Variants in CACNA1I observed in about 807,000 individuals in gnomAD.
The protein encoded by CACNA1I is voltage-dependent T-type calcium channel subunit alpha-1I.
Under a neutral mutation model 201.6 loss-of-function variants are expected in CACNA1I, and 74 were observed. The ratio of observed to expected loss-of-function variants is 0.37; its 90% CI spans 0.30 to 0.45. The LOEUF (loss-of-function observed/expected upper bound fraction) is 0.45. Among genes scored for constraint, CACNA1I ranks in the 20% least tolerant of loss-of-function variants. The pLI is 1.00. For synonymous variants in CACNA1I, 1,431 were observed against 1,345.2 expected, an observed-to-expected ratio of 1.06 and a Z score of -1.40; for missense variants, 2,346 against 3,138.1, an observed-to-expected ratio of 0.75 and a Z score of 6.03.
intron 17 of CACNA1I, 53 bp from the exon 18 acceptor site, chr22:39,662,720 GAGA>G: frequency 7.7e-7 from 1 of 1,291,012 alleles, no homozygotes; most frequent in South Asian, 1.3e-5. Context: ...CGCATGGGCG[GAGA>G]CCGGCAACCC....
At position 39,687,881 on chromosome 22, in the gene CACNA1I, G is replaced by A. The variant is rs531692974; in HGVS notation, c.*1476G>A. The stretch of plus-strand genomic sequence containing the variant: ...GTCAGTTTGAAGAAGGAGGTTGGGA[G>A]CATGTTGGTGGCAGTGATCTGGAGA... On this transcript the variant is annotated 3_prime_UTR_variant, in exon 37 of 37. Coordinates refer to ENST00000402142, the MANE Select transcript of CACNA1I (RefSeq NM_021096.4). 6.6e-6 allele frequency: 1 copy of A among 152,300 alleles called. No individual in the cohort carries two copies. Among genetic ancestry groups the A allele is most frequent in the Admixed American group, 6.5e-5 (1 of 15,288 alleles). 9.4% of individuals were successfully genotyped at this position (152,300 alleles called of 1,614,324 possible).
chr22:39,627,416 G>A (rs975931928), intron 4 of CACNA1I, among the ~76,000 whole-genome samples: 5 of 152,228 alleles, frequency 3.3e-5, no homozygotes, highest in African/African-American at 1.2e-4. Context: ...CGCCCCTGTG[G>A]ACAGCGCCCC....
In CACNA1I at chr22:39,598,335, A is replaced by G. The variant is rs181146670; in HGVS notation, c.348+73A>G. ...ACCCGGCCTATGCCCCGCCCACTCC[A>G]CACCCCCGCCCCATGTCCTGGCCTT... On this transcript the variant is annotated intron_variant, in intron 2 of 36. Transcript: ENST00000402142. The G allele has an allele frequency of 0.016, 6,658 of 423,652 alleles. 439 individuals carry two copies. In the Admixed American group the frequency reaches 0.18, roughly 11 times the overall value. The allele number at this position is 423,652 out of a possible 1,614,324, so 26.2% of individuals were successfully genotyped here.
intron 27 of CACNA1I, 43 bp from the exon 28 acceptor site, chr22:39,672,906 C>A (rs745318599): frequency 6.3e-7 from 1 of 1,582,300 alleles, no homozygotes; most frequent in Non-Finnish European, 8.6e-7. Flanking sequence ...CCAGAGGGAT[C>A]CTCCTCATGC....
chr22:39,679,027 G>C (rs1023935109), intron 31 of CACNA1I, 80 bp from the exon 32 acceptor site: 2 of 1,112,328 alleles, frequency 1.8e-6, no homozygotes, highest in Admixed American at 4.6e-5. Flanking sequence ...GCCTCCGAGC[G>C]TGGCCCTGGG....
chr22:39,660,969 A>T, intron 15 of CACNA1I, 139 bp from the exon 16 acceptor site: 1 of 704,916 alleles, frequency 1.4e-6, no homozygotes, highest in Non-Finnish European at 2.5e-6. Flanking sequence ...AACCAGGAAG[A>T]CTTCCTGGTA....
rs1024980086 is a variant in CACNA1I at position 39,688,259 on chromosome 22, G to C, written c.*1854G>C. 6.6e-6 allele frequency: 1 copy of C among 152,514 alleles called. No individual in the cohort carries two copies. The highest frequency in any genetic ancestry group is 2.1e-4 in the South Asian group (1 of 4,840). 9.4% of individuals were successfully genotyped at this position (152,514 alleles called of 1,614,324 possible). A position where few individuals can be genotyped will look rare whatever the true frequency, so the allele number is the denominator to read the frequency against. ...CCCTAGAGCTGTGATGCTGAGCAAG[G>C]TGCCTGTGGCGGAAGGAACTGCCCA... On this transcript the variant is annotated 3_prime_UTR_variant, in exon 37 of 37. Transcript: ENST00000402142. This position sits in a 1 kb window ranked among gnomAD's most constrained non-coding sequence, Gnocchi z 4.8.
At chr22:39,601,463 G>A (rs1933027414) in intron 3 of CACNA1I, among the ~76,000 whole-genome samples, 3 of 152,198 alleles carry the variant, frequency 2.0e-5, no homozygotes, top group Non-Finnish European at 2.9e-5. Flanking sequence ...GGCTTCCTGA[G>A]GAGGTGACAC....
At chr22:39,668,994 G>A (rs966704635) in intron 24 of CACNA1I, among the ~76,000 whole-genome samples, 3 of 152,126 alleles carry the variant, frequency 2.0e-5, no homozygotes, top group African/African-American at 7.2e-5. Context: ...GGGATTGGGT[G>A]GAGGAAGTCA....
intron 3 of CACNA1I, among the ~76,000 whole-genome samples, chr22:39,618,608 A>T (rs1933633720): frequency 6.6e-6 from 1 of 151,988 alleles, no homozygotes; most frequent in Non-Finnish European, 1.5e-5. Context: ...AGGTTTGTGC[A>T]GCATGTAGGA....
chr22:39,576,903 T>G (rs2145799513), intron 1 of CACNA1I, among the ~76,000 whole-genome samples: 1 of 152,316 alleles, frequency 6.6e-6, no homozygotes, highest in Middle Eastern at 3.4e-3. Flanking sequence ...CCTGTCTGGC[T>G]CCAGCTCTCT....
chr22:39,596,925 T>G (rs1932906524), intron 1 of CACNA1I, among the ~76,000 whole-genome samples: 1 of 152,120 alleles, frequency 6.6e-6, no homozygotes, highest in South Asian at 2.1e-4. Context: ...GACACTCAGT[T>G]TCTGGGGGAG....
intron 3 of CACNA1I, among the ~76,000 whole-genome samples, chr22:39,609,730 G>A (rs1404406567): frequency 1.3e-5 from 2 of 152,248 alleles, no homozygotes; most frequent in Non-Finnish European, 2.9e-5. Context: ...TCAAACAAGA[G>A]TTGTTCCTTG....
In CACNA1I at chr22:39,684,420, A is replaced by G. The variant is rs765407064; in HGVS notation, c.5949A>G (p.Gly1983=). The G allele has an allele frequency of 1.9e-6, 3 of 1,613,494 alleles. No homozygotes were observed. The highest frequency in any genetic ancestry group is 2.5e-6 in the Non-Finnish European group (3 of 1,179,894). Residue 1983 remains glycine (G), a synonymous_variant, in exon 36 of 37, where the codon GGA becomes GGG. Transcript: ENST00000402142. This position sits in a 1 kb window ranked among gnomAD's most constrained non-coding sequence, Gnocchi z 4.6. ...QKGPEKGTGT[G]TLPKIALQGS... Reference sequence around the variant, plus strand: ...GCCCAGAAAAGGGCACTGGCACTGGAACCCTCCCCAAGATTGCGCTGCAGG... The same window carrying G: ...GCCCAGAAAAGGGCACTGGCACTGGGACCCTCCCCAAGATTGCGCTGCAGG...
intron 10 of CACNA1I, chr22:39,656,804 A>G (rs577346345): frequency 1.9e-6 from 1 of 518,362 alleles, no homozygotes; most frequent in African/African-American, 1.9e-5. Flanking sequence ...CAGTTTCCCT[A>G]GCCTCAGTCT....
At chr22:39,654,935 T>G (rs1439060838) in intron 10 of CACNA1I, among the ~76,000 whole-genome samples, 2 of 152,036 alleles carry the variant, frequency 1.3e-5, no homozygotes, top group Non-Finnish European at 2.9e-5. Context: ...CGGAAAGGCT[T>G]GCAAGCAAAT....
chr22:39,668,130 T>C (rs1265439888), intron 23 of CACNA1I, among the ~76,000 whole-genome samples, 162 bp from the exon 24 acceptor site: 1 of 152,082 alleles, frequency 6.6e-6, no homozygotes, highest in African/African-American at 2.4e-5. Context: ...AGTAGGTCCT[T>C]AGGAAAGTTT....
chr22:39,646,578 T>C lies in CACNA1I; in HGVS notation c.1159T>C (p.Phe387Leu), dbSNP rs1481067634. ...YFILLIIVGSFFMINLCLVVI... is the reference protein window; with the variant it reads ...YFILLIIVGSLFMINLCLVVI... ...CTCCCGTTGGTCACAGGTGGGCTCC[T>C]TCTTCATGATCAACCTGTGCCTCGT... Residue 387 changes from phenylalanine to leucine, a missense_variant, in exon 8 of 37, where the codon TTC becomes CTC. Physicochemically the swap from Phe to Leu is conservative, Grantham distance 22. This residue lies in a region of CACNA1I where 227 missense variants were observed against 412.5 expected (regional missense o/e 0.55). Transcript: ENST00000402142. The C allele has an allele frequency of 6.4e-7, 1 of 1,555,200 alleles. No individual in the cohort carries two copies. The highest frequency in any genetic ancestry group is 1.9e-5 in the Admixed American group (1 of 52,194).
Position 39,658,183 on chromosome 22 carries a change from G to T in CACNA1I, c.2024G>T (p.Cys675Phe). The stretch of plus-strand genomic sequence containing the variant: ...GAGCTGACCAACATCCTGGAGATCT[G>T]CAATGTGGTCTTCACCAGCATGTTT... The part of the protein sequence containing the change: ...PEELTNILEI[C>F]NVVFTSMFAL... Residue 675 changes from cysteine to phenylalanine, a missense_variant, in exon 11 of 37, where the codon TGC becomes TTC. By Grantham distance (205) the Cys-to-Phe change is radical. This residue lies in a region of CACNA1I where 155 missense variants were observed against 300.8 expected (regional missense o/e 0.52). Coordinates refer to ENST00000402142, the MANE Select transcript of CACNA1I (RefSeq NM_021096.4). The T allele has an allele frequency of 1.9e-6, 3 of 1,613,988 alleles. No individual in the cohort carries two copies. The highest frequency in any genetic ancestry group is 2.5e-6 in the Non-Finnish European group (3 of 1,179,866).
Sources: allele counts gnomAD v4.1 joint callset (sites outside exome capture counted in the v4.1 genomes callset), GRCh38; gene constraint gnomAD v4.1.1; regional missense constraint gnomAD v4.1.1; non-coding constraint Gnocchi (gnomAD v3.1); transcripts MANE v1.5; gene names NCBI Gene and HGNC (gene_info 2026-07-23, HGNC 2026-07-21).